R3HDM2: variants seen among roughly 807,000 people sequenced by gnomAD.
R3HDM2 encodes R3H domain containing 2, also known as R3H domain-containing protein 2.
R3HDM2 carries 38 observed loss-of-function variants against 124.5 expected under a neutral mutation model. The ratio of observed to expected loss-of-function variants is 0.31; its 90% confidence interval spans 0.24 to 0.40. The LOEUF (loss-of-function observed/expected upper bound fraction) is 0.40. R3HDM2 is among the 10% of genes least tolerant of loss of function. The pLI is 1.00. For missense variants in R3HDM2, 869 were observed against 1,236.9 expected (o/e 0.70, Z 4.46); for synonymous variants, 391 against 448.0 (o/e 0.87, Z 1.61).
At chr12:57,426,980 G>A (rs943400892) in intron 1 of R3HDM2, among the ~76,000 whole-genome samples, 1 of 152,158 alleles carries the variant, frequency 6.6e-6, no homozygotes, top group African/African-American at 2.4e-5. Context: ...GCTAAGTGCT[G>A]AGGATACGGA....
At chr12:57,370,617 G>C (rs1266718109) in intron 2 of R3HDM2, among the ~76,000 whole-genome samples, 1 of 152,102 alleles carries the variant, frequency 6.6e-6, no homozygotes, top group Non-Finnish European at 1.5e-5. Context: ...TCCAGCCTGG[G>C]CAACAAGAGC....
chr12:57,409,939 T>G (rs1029831288), intron 1 of R3HDM2, among the ~76,000 whole-genome samples: 15 of 152,152 alleles, frequency 9.9e-5, no homozygotes, highest in African/African-American at 2.9e-4. Context: ...TGGGCTTAAA[T>G]CAATGAGAGA....
chr12:57,387,288 ACACT>A (rs1408006502), intron 2 of R3HDM2, among the ~76,000 whole-genome samples: 3 of 152,136 alleles, frequency 2.0e-5, no homozygotes, highest in Non-Finnish European at 4.4e-5. Context: ...ATGAGCTGTA[ACACT>A]CACCGCAAAG....
intron 2 of R3HDM2, among the ~76,000 whole-genome samples, chr12:57,373,934 C>A (rs964381201): frequency 1.1e-4 from 16 of 151,752 alleles, no homozygotes; most frequent in Non-Finnish European, 2.1e-4. Flanking sequence ...TCAGGACCAG[C>A]CTGGCCAACA....
At chr12:57,338,285 A>G (rs1453018026) in intron 2 of R3HDM2, among the ~76,000 whole-genome samples, 1 of 152,240 alleles carries the variant, frequency 6.6e-6, no homozygotes, top group African/African-American at 2.4e-5. Context: ...TCTGGGCAAC[A>G]AGAGCAAAGC....
chr12:57,276,882 A>G (rs2044898930), intron 14 of R3HDM2, among the ~76,000 whole-genome samples: 1 of 151,778 alleles, frequency 6.6e-6, no homozygotes. Context: ...GCGAGACTCC[A>G]TCTCAAAAGA....
intron 2 of R3HDM2, among the ~76,000 whole-genome samples, chr12:57,321,969 C>T (rs1029190833): frequency 1.3e-5 from 2 of 152,214 alleles, no homozygotes; most frequent in Non-Finnish European, 2.9e-5. Context: ...GTGACTCACA[C>T]CTGTAATCCC....
In R3HDM2 at chr12:57,373,456, G is replaced by A. The variant is rs573244979; in HGVS notation, c.-36+22293C>T. 4.0e-5 allele frequency among the ~76,000 whole-genome samples: 6 copies of A among 151,782 alleles called. No homozygotes were observed. The South Asian group carries it at 6.3e-4, about 16-fold the overall frequency. On this transcript the variant is annotated intron_variant, in intron 2 of 23. Transcript: ENST00000402412. ...GGAGCTTGCAGTGAGCCAAGATCGC[G>A]CCACTGCACTCCAGCCTGGGTGACA...
intron 2 of R3HDM2, among the ~76,000 whole-genome samples, chr12:57,331,101 C>T (rs2058128399): frequency 6.6e-6 from 1 of 152,096 alleles, no homozygotes. Flanking sequence ...TTTTTCTTGC[C>T]TTGTCATTCC....
intron 2 of R3HDM2, among the ~76,000 whole-genome samples, chr12:57,318,451 CCAGCCTGGTCAA>C (rs2055663156): frequency 6.6e-6 from 1 of 151,870 alleles, no homozygotes; most frequent in African/African-American, 2.4e-5. Context: ...GAGTTCGAGA[CCAGCCTGGTCAA>C]CATAGTGAAA....
chr12:57,377,087 T>TAAATAAATAAAA (rs2138173877), intron 2 of R3HDM2, among the ~76,000 whole-genome samples: 1 of 113,954 alleles, frequency 8.8e-6, no homozygotes, highest in Admixed American at 1.0e-4. Context: ...GCTAAATAAA[T>TAAATAAATAAAA]AAATAAATAA....
At chr12:57,270,395 ATTTTG>A (rs869081684) in intron 14 of R3HDM2, among the ~76,000 whole-genome samples, 12 of 103,824 alleles carry the variant, frequency 1.2e-4, no homozygotes, top group African/African-American at 3.9e-4. Context: ...GCTAATTCTT[ATTTTG>A]TTTTGTTTTG....
chr12:57,311,403 T>G (rs967544268), intron 2 of R3HDM2, among the ~76,000 whole-genome samples: 1 of 151,944 alleles, frequency 6.6e-6, no homozygotes, highest in Non-Finnish European at 1.5e-5. Flanking sequence ...TTTTTTCTAT[T>G]TTTTAGTACA....
At chr12:57,426,110 C>T (rs1050379274) in intron 1 of R3HDM2, among the ~76,000 whole-genome samples, 1 of 152,098 alleles carries the variant, frequency 6.6e-6, no homozygotes, top group Non-Finnish European at 1.5e-5. Flanking sequence ...TGCCTGTAAT[C>T]CCAGCTACTT....
At chr12:57,325,589 CCTT>C (rs1204737616) in intron 2 of R3HDM2, among the ~76,000 whole-genome samples, 1 of 152,100 alleles carries the variant, frequency 6.6e-6, no homozygotes, top group Non-Finnish European at 1.5e-5. Flanking sequence ...CTGTGTCACT[CCTT>C]CTGGAGTGCA....
At chr12:57,322,265 C>T (rs2056580070) in intron 2 of R3HDM2, among the ~76,000 whole-genome samples, 1 of 152,126 alleles carries the variant, frequency 6.6e-6, no homozygotes, top group Non-Finnish European at 1.5e-5. Context: ...AAGATCTGTG[C>T]ATTTTATTAT....
intron 2 of R3HDM2, among the ~76,000 whole-genome samples, chr12:57,338,765 A>G (rs1254111246): frequency 6.6e-6 from 1 of 151,742 alleles, no homozygotes; most frequent in Non-Finnish European, 1.5e-5. Context: ...CTCAAAAATT[A>G]CATGTGATCT....
intron 14 of R3HDM2, among the ~76,000 whole-genome samples, chr12:57,271,763 T>C (rs1443082049): frequency 1.3e-5 from 2 of 152,212 alleles, no homozygotes; most frequent in Admixed American, 1.3e-4. Flanking sequence ...TTCAAAGGAT[T>C]TGTAGAGTAC....
At chr12:57,312,692 G>C (rs564256028) in intron 2 of R3HDM2, among the ~76,000 whole-genome samples, 3 of 152,158 alleles carry the variant, frequency 2.0e-5, no homozygotes, top group Admixed American at 6.5e-5. Flanking sequence ...CCAATATGGT[G>C]AAACAATGTC....
Sources: allele counts gnomAD v4.1 joint callset (sites outside exome capture counted in the v4.1 genomes callset), GRCh38; gene constraint gnomAD v4.1.1; transcripts MANE v1.5; gene names NCBI Gene and HGNC (gene_info 2026-07-23, HGNC 2026-07-21).